The following PKD1L3 variants were observed in gnomAD, a reference collection of about 807,000 sequenced individuals.
PKD1L3 encodes the protein polycystin 1 like 3, transient receptor potential channel interacting, also known as polycystin-1-like protein 3.
A neutral mutation model predicts 184.1 loss-of-function variants in PKD1L3; 239 were observed. That is an observed-to-expected ratio of 1.30 (90% CI 1.17 to 1.45). The LOEUF (loss-of-function observed/expected upper bound fraction) is 1.45, where lower values mean the gene tolerates loss of function less well. PKD1L3 is among the 40% of genes most tolerant of loss of function. PKD1L3 has a pLI of 0.00. For missense variants in PKD1L3, 2,660 were observed against 2,067.2 expected (o/e 1.29, Z -5.56); for synonymous variants, 996 against 778.8 (o/e 1.28, Z -4.64).
In PKD1L3 at chr16:71,969,933, C is replaced by T. The variant is rs1429727150; in HGVS notation, c.2126G>A (p.Gly709Glu). The T allele has an allele frequency of 6.4e-7, 1 of 1,551,956 alleles. No homozygotes were observed. Among genetic ancestry groups the T allele is most frequent in the Non-Finnish European group, 8.7e-7 (1 of 1,147,066 alleles). ...CCACACAACTGTGATCACATAAAATCCTAAAAGGCTGGCCAGCAGTGACAC... is the reference window on the plus strand; with the variant it reads ...CCACACAACTGTGATCACATAAAATTCTAAAAGGCTGGCCAGCAGTGACAC... ...VGVSLLASLL[G>E]FYVITVVWAR... The change falls in exon 13 of 30, where the codon GGA becomes GAA. Residue 709 changes from glycine to glutamate, a missense_variant. Coordinates refer to ENST00000620267, the MANE Select transcript of PKD1L3 (RefSeq NM_181536.2).
chr16:71,981,651 C>T (rs2040163123), intron 7 of PKD1L3, among the ~76,000 whole-genome samples: 1 of 151,414 alleles, frequency 6.6e-6, no homozygotes, highest in Admixed American at 6.6e-5. Flanking sequence ...AGCGATTCTC[C>T]TGCCTCAGCC....
chr16:71,949,727 G>T, intron 21 of PKD1L3, 56 bp downstream of exon 21: 1 of 1,438,450 alleles, frequency 7.0e-7, no homozygotes, highest in South Asian at 1.3e-5. Flanking sequence ...GACACCCAGG[G>T]ACCTCAGTTC....
rs1327687978 is a variant in PKD1L3 at position 71,942,728 on chromosome 16, A to G, written c.4156T>C (p.Cys1386Arg). 1 of 1,551,728 alleles carries G rather than the reference A, an allele frequency of 6.4e-7. No individual in the cohort carries two copies. The change falls in exon 24 of 30, where the codon TGT becomes CGT. Residue 1386 changes from cysteine to arginine, a missense_variant. By Grantham distance (180) the Cys-to-Arg change is radical (BLOSUM62 -3). Transcript: ENST00000620267. ...CGCCCACAGGTATGGCCGTTATCAC[A>G]AAACGCCAGCTGACCTTCGTCCACT... ...EKVDEGQLAF[C>R]DNGHTCGRPK...
chr16:71,942,496 T>G, intron 24 of PKD1L3, 64 bp downstream of exon 24: 1 of 1,370,274 alleles, frequency 7.3e-7, no homozygotes, highest in South Asian at 1.4e-5. Flanking sequence ...CATTCCTGGT[T>G]TTGCACTTAT....
At chr16:71,942,414 T>G (rs1274477604) in intron 24 of PKD1L3, 146 bp downstream of exon 24, 1 of 550,902 alleles carries the variant, frequency 1.8e-6, no homozygotes, top group African/African-American at 1.9e-5. Flanking sequence ...ATAAAAACAC[T>G]TTTGGAGATG....
At chr16:71,943,076 C>T (rs2038418102) in intron 23 of PKD1L3, 52 bp from the exon 24 acceptor site, 2 of 1,369,532 alleles carry the variant, frequency 1.5e-6, no homozygotes, top group Non-Finnish European at 2.0e-6. Context: ...ACTTAGAAAT[C>T]CTCTATGTCT....
Position 71,978,279 on chromosome 16 carries a change from G to A in PKD1L3, c.1503C>T (p.Val501=). ...CCTCAATGTCCTCCATTAAATCATG[G>A]ACTTGGAGCAATTTACGATTAGCGC... ...LLSANRKLLQ[V]HDLMEDIEIM... is the part of the protein sequence containing the mutation. Residue 501 remains valine (V), a synonymous_variant, in exon 10 of 30, where the codon GTC becomes GTT. Coordinates refer to ENST00000620267, the MANE Select transcript of PKD1L3 (RefSeq NM_181536.2). 6.5e-7 allele frequency: 1 copy of A among 1,549,904 alleles called. No individual in the cohort carries two copies. Among genetic ancestry groups the A allele is most frequent in the South Asian group, 1.2e-5 (1 of 83,990 alleles).
At chr16:71,975,389 A>G (rs1226544537) in intron 11 of PKD1L3, among the ~76,000 whole-genome samples, 1 of 152,096 alleles carries the variant, frequency 6.6e-6, no homozygotes, top group Non-Finnish European at 1.5e-5. Context: ...TATGTCTCAG[A>G]AATTCTTAAC....
intron 23 of PKD1L3, among the ~76,000 whole-genome samples, chr16:71,943,802 G>A (rs1156743929): frequency 1.3e-5 from 2 of 152,132 alleles, no homozygotes; most frequent in African/African-American, 4.8e-5. Flanking sequence ...CATTTTGCAG[G>A]TGGAGAAAGT....
chr16:71,994,799 G>A (rs1012938728), intron 2 of PKD1L3, among the ~76,000 whole-genome samples: 2 of 152,058 alleles, frequency 1.3e-5, no homozygotes, highest in Non-Finnish European at 2.9e-5. Context: ...AGGAGTTCGA[G>A]ACCAGCCTGG....
Position 71,967,924 on chromosome 16 carries a change from G to T in PKD1L3, c.2268C>A (p.Ser756Arg). The change falls in exon 14 of 30, where the codon AGC (serine) becomes AGA (arginine). Residue 756 changes from serine (S) to arginine (R), a missense_variant. Ser to Arg is a moderately radical substitution (Grantham distance 110). Coordinates refer to ENST00000620267, the MANE Select transcript of PKD1L3 (RefSeq NM_181536.2). ...LIQVYTGYRR[S>R]AATTAKVVIT... is the part of the protein sequence containing the mutation. ...CATTAACCTTAGCTGTTGTAGCAGC[G>T]CTTCTTCGATATCCGGTGTAGACCT... The T allele has an allele frequency of 1.3e-6, 2 of 1,550,808 alleles. No individual in the cohort carries two copies.
intron 4 of PKD1L3, among the ~76,000 whole-genome samples, chr16:71,988,356 G>A (rs1306944920): frequency 1.3e-5 from 2 of 152,058 alleles, no homozygotes; most frequent in East Asian, 1.9e-4. Context: ...CATCACACCC[G>A]GCTAATTTTC....
chr16:71,959,371 T>C (rs938022394), intron 16 of PKD1L3, among the ~76,000 whole-genome samples: 2 of 151,920 alleles, frequency 1.3e-5, no homozygotes, highest in Admixed American at 1.3e-4. Context: ...GATCGTGCCA[T>C]TGTACTCCAG....
intron 28 of PKD1L3, 95 bp from the exon 29 acceptor site, chr16:71,930,278 GA>G (rs1373105690): frequency 7.8e-7 from 1 of 1,284,462 alleles, no homozygotes; most frequent in African/African-American, 1.5e-5. Flanking sequence ...CTTATCAGAA[GA>G]AAAGCTTATC....
In PKD1L3 at chr16:71,934,143, G is replaced by C. The variant is rs1167999601; in HGVS notation, c.4614-18C>G. On this transcript the variant is annotated intron_variant, in intron 26 of 29. Transcript: ENST00000620267. ...TGATGAATCTGCACCAAGGAAAGCTGACAGTTACTCAGCAAGAAGTATGTG... is the reference window on the plus strand; with the variant it reads ...TGATGAATCTGCACCAAGGAAAGCTCACAGTTACTCAGCAAGAAGTATGTG... The C allele has an allele frequency of 3.2e-6, 5 of 1,550,850 alleles. No homozygotes were observed. The highest frequency in any genetic ancestry group is 4.4e-6 in the Non-Finnish European group (5 of 1,146,456).
Position 71,935,519 on chromosome 16 carries a change from C to G in PKD1L3, c.4453-1G>C, listed in dbSNP as rs1315263456. 1.9e-6 allele frequency: 3 copies of G among 1,551,720 alleles called. No homozygotes were observed. The highest frequency in any genetic ancestry group is 1.2e-5 in the South Asian group (1 of 84,012). ...ACTTCTGCTGTTTCAGCTGACAACC[C>G]TAAACATAGACAGCACAGTCACTGT... On this transcript the variant is annotated splice_acceptor_variant, in intron 25 of 29. Coordinates refer to ENST00000620267, the MANE Select transcript of PKD1L3 (RefSeq NM_181536.2). LOFTEE classifies it high-confidence loss of function.
At chr16:71,984,756 G>A (rs894904798) in intron 5 of PKD1L3, among the ~76,000 whole-genome samples, 1 of 152,182 alleles carries the variant, frequency 6.6e-6, no homozygotes, top group Non-Finnish European at 1.5e-5. Context: ...CTACTCGGGA[G>A]GCTGAGGCAG....
chr16:71,929,558 C>CT lies in PKD1L3; in HGVS notation c.5178dup (p.Val1727SerfsTer4). On this transcript the variant is annotated frameshift_variant, in exon 30 of 30. Coordinates refer to ENST00000620267, the MANE Select transcript of PKD1L3 (RefSeq NM_181536.2). LOFTEE classifies it low-confidence loss of function (END_TRUNC). ...CAGGATTAAGGTAGTTCATCTAAAA[C>CT]TTCAGTGTCACTGCCCACTGCTGTC... is the stretch of plus-strand genomic sequence containing the variant. 1 of 1,551,144 alleles carries CT rather than the reference C, an allele frequency of 6.4e-7. No homozygotes were observed. Among genetic ancestry groups the CT allele is most frequent in the Non-Finnish European group, 8.7e-7 (1 of 1,146,860 alleles).
chr16:71,996,891 G>T (rs1270182358), intron 2 of PKD1L3, among the ~76,000 whole-genome samples: 1 of 152,038 alleles, frequency 6.6e-6, no homozygotes, highest in East Asian at 1.9e-4. Flanking sequence ...TACAGGTACA[G>T]GTGCTGGTAG....
Sources: allele counts gnomAD v4.1 joint callset (sites outside exome capture counted in the v4.1 genomes callset), GRCh38; gene constraint gnomAD v4.1.1; transcripts MANE v1.5; gene names NCBI Gene and HGNC (gene_info 2026-07-23, HGNC 2026-07-21).